Variants in KTN1 observed in about 807,000 individuals in gnomAD.
The protein encoded by KTN1 is kinectin.
Under a neutral mutation model 222.5 loss-of-function variants are expected in KTN1, and 130 were observed. That is an observed-to-expected ratio of 0.58 (90% CI 0.51 to 0.68). The LOEUF is 0.68. Among genes scored for constraint, KTN1 ranks in the 30% least tolerant of loss-of-function variants. KTN1 has a pLI of 0.00. For missense variants in KTN1, 1,508 were observed against 1,500.4 expected (o/e 1.01, Z -0.08); for synonymous variants, 512 against 496.3 (o/e 1.03, Z -0.42).
intron 32 of KTN1, chr14:55,663,117 T>A: frequency 2.8e-6 from 1 of 354,876 alleles, no homozygotes; most frequent in South Asian, 2.2e-5. Flanking sequence ...ATGGGGTTGT[T>A]GTAACGGTGA....
intron 2 of KTN1, among the ~76,000 whole-genome samples, chr14:55,614,223 A>C (rs1044111889): frequency 6.6e-6 from 1 of 152,196 alleles, no homozygotes; most frequent in Admixed American, 6.5e-5. Flanking sequence ...GTTTAGTTAC[A>C]TGGTCATATT....
rs780595054 is a variant in KTN1 at position 55,671,759 on chromosome 14, C to G, written c.3439-26C>G. The G allele has an allele frequency of 6.4e-6, 10 of 1,574,442 alleles. No homozygotes were observed. In the East Asian group the frequency reaches 2.2e-4, roughly 35 times the overall value. ...TCTTGGCATTAGAACATGAATTTTT[C>G]AAAACAACTATGCTTTTGTCTGTAG... On this transcript the variant is annotated intron_variant, in intron 36 of 43. Transcript: ENST00000395314.
Position 55,612,329 on chromosome 14 carries a change from AT to A in KTN1, c.282del (p.Asp94GlufsTer9). 1 of 1,614,150 alleles carries A rather than the reference AT, an allele frequency of 6.2e-7. No homozygotes were observed. Among genetic ancestry groups the A allele is most frequent in the Non-Finnish European group, 8.5e-7 (1 of 1,180,002 alleles). ...TTATCAGATGCTTTGGCAGTAGAAGATGATCAAGTTGCACCTGTTCCATTGA... is the reference window on the plus strand; with the variant it reads ...TTATCAGATGCTTTGGCAGTAGAAGAGATCAAGTTGCACCTGTTCCATTGA... ...FKLSDALAVE[D>X]DQVAPVPLNV... On this transcript the variant is annotated frameshift_variant, in exon 2 of 44. Coordinates refer to ENST00000395314, the MANE Select transcript of KTN1 (RefSeq NM_001079521.2). LOFTEE classifies it high-confidence loss of function.
intron 40 of KTN1, chr14:55,673,731 A>G (rs2045651122): frequency 1.3e-5 from 2 of 152,392 alleles, no homozygotes; most frequent in Admixed American, 1.3e-4. Context: ...CTCTCTATAT[A>G]TTACAAATAT....
At position 55,673,173 on chromosome 14, in the gene KTN1, T is replaced by C. The variant is rs1446538512; in HGVS notation, c.3689T>C (p.Leu1230Pro). Reference protein sequence around the residue: ...RSTYVTEVRELKDLLTELQKK... With the variant: ...RSTYVTEVREPKDLLTELQKK... ...CTTAAACTCTAAACTTCATTGCAGC[T>C]GAAAGATCTGTTGACTGAATTGCAG... is the stretch of plus-strand genomic sequence containing the variant. The change falls in exon 40 of 44, where the codon CTG becomes CCG. Residue 1230 changes from leucine (L) to proline (P), a missense_variant and splice_region_variant. Transcript: ENST00000395314. The C allele has an allele frequency of 6.2e-7, 1 of 1,611,692 alleles. No individual in the cohort carries two copies. The highest frequency in any genetic ancestry group is 1.7e-5 in the Admixed American group (1 of 59,966).
At chr14:55,652,777 TC>T in intron 25 of KTN1, 72 bp from the exon 26 acceptor site, 1 of 962,994 alleles carries the variant, frequency 1.0e-6, no homozygotes, top group Non-Finnish European at 1.6e-6. Context: ...TATACTTTTT[TC>T]AGTGTCTAAG....
At chr14:55,646,468 T>TTCCTTTTCCTTTTC (rs368731698) in intron 18 of KTN1, among the ~76,000 whole-genome samples, 3 of 35,466 alleles carry the variant, frequency 8.5e-5, no homozygotes, top group African/African-American at 3.7e-4. Flanking sequence ...CCTTTTCCTT[T>TTCCTTTTCCTTTTC]CCTTTCCTTT....
At chr14:55,630,559 G>A (rs2040397329) in intron 7 of KTN1, among the ~76,000 whole-genome samples, 1 of 152,106 alleles carries the variant, frequency 6.6e-6, no homozygotes, top group South Asian at 2.1e-4. Context: ...GTGCACTCCA[G>A]GTGTTACCAG....
chr14:55,641,001 A>G, intron 16 of KTN1, 31 bp downstream of exon 16: 1 of 1,571,778 alleles, frequency 6.4e-7, no homozygotes, highest in East Asian at 2.2e-5. Flanking sequence ...CTAGTCGTTC[A>G]TACATTTATG....
chr14:55,621,165 C>T (rs527303917), intron 5 of KTN1, among the ~76,000 whole-genome samples: 4 of 152,258 alleles, frequency 2.6e-5, no homozygotes, highest in East Asian at 3.9e-4. Context: ...TTCCTCATCT[C>T]CATCTGAGAT....
Position 55,627,316 on chromosome 14 carries a change from A to G in KTN1, c.964-596A>G, listed in dbSNP as rs190909193. 1.8e-3 allele frequency among the ~76,000 whole-genome samples: 269 copies of G among 152,254 alleles called. 2 individuals carry two copies. The highest frequency in any genetic ancestry group is 6.2e-3 in the African/African-American group (258 of 41,546). On this transcript the variant is annotated intron_variant, in intron 5 of 43. Coordinates refer to ENST00000395314, the MANE Select transcript of KTN1 (RefSeq NM_001079521.2). ...CACAACATTAAAGAGATTTTTCTGA[A>G]TATTTCACTGATCAGTATTTGGCAG... is the stretch of plus-strand genomic sequence containing the variant.
intron 41 of KTN1, among the ~76,000 whole-genome samples, chr14:55,677,614 CA>C (rs904570992): frequency 2.0e-5 from 3 of 151,938 alleles, no homozygotes; most frequent in African/African-American, 7.3e-5. Flanking sequence ...TAGGGGTGGA[CA>C]AATCCCAAAG....
In KTN1 at chr14:55,648,546, A is replaced by G. The variant is rs541984302; in HGVS notation, c.2299-256A>G. Among the ~76,000 whole-genome samples the G allele has an allele frequency of 1.4e-4, 22 of 152,324 alleles. No homozygotes were observed. In the South Asian group the frequency reaches 4.6e-3, roughly 32 times the overall value. ...GAGTAGCTTAACTAACAAGTTGTAT[A>G]CTGTATATTTTTGAGGTTGTCCAGA... On this transcript the variant is annotated intron_variant, in intron 20 of 43. Transcript: ENST00000395314.
At chr14:55,609,487 A>G (rs965870465) in intron 1 of KTN1, among the ~76,000 whole-genome samples, 3 of 152,200 alleles carry the variant, frequency 2.0e-5, no homozygotes, top group African/African-American at 7.2e-5. Context: ...AGAGACAGAA[A>G]GCTTGATTCC....
intron 1 of KTN1, among the ~76,000 whole-genome samples, chr14:55,589,656 C>CTTTTTTTTTTTTTT (rs765755065): frequency 9.8e-6 from 1 of 102,060 alleles, no homozygotes. Context: ...CATCTGATTT[C>CTTTTTTTTTTTTTT]TTTTTTTTTT....
chr14:55,623,960 G>A (rs1417244538), intron 5 of KTN1, among the ~76,000 whole-genome samples: 1 of 152,152 alleles, frequency 6.6e-6, no homozygotes, highest in Non-Finnish European at 1.5e-5. Context: ...AGTCTGGGTG[G>A]TAAATCAGAC....
intron 39 of KTN1, 31 bp from the exon 40 acceptor site, chr14:55,673,141 G>C: frequency 1.9e-6 from 3 of 1,576,476 alleles, no homozygotes; most frequent in Non-Finnish European, 2.6e-6. Flanking sequence ...ATCATAAGGA[G>C]ATCAATCTTA....
intron 1 of KTN1, among the ~76,000 whole-genome samples, chr14:55,599,570 T>A (rs551840738): frequency 1.5e-5 from 2 of 129,676 alleles, no homozygotes; most frequent in South Asian, 5.3e-4. Flanking sequence ...GAAGCACAGA[T>A]TCAAAGCGAT....
intron 1 of KTN1, among the ~76,000 whole-genome samples, 173 bp downstream of exon 1, chr14:55,580,527 G>C (rs1025300145): frequency 2.0e-5 from 3 of 149,750 alleles, no homozygotes; most frequent in Non-Finnish European, 4.5e-5. Context: ...GGTTGCCGCC[G>C]CGGGGCTCTT....
Sources: gnomAD v4.1 joint callset for allele counts (sites outside exome capture counted in the v4.1 genomes callset) on GRCh38, gnomAD v4.1.1 for gene constraint, MANE v1.5 for transcripts, NCBI Gene and HGNC (gene_info 2026-07-23, HGNC 2026-07-21) for gene names.